TNXB: variants seen among roughly 807,000 people sequenced by gnomAD.
The protein encoded by TNXB is tenascin XB, also known as tenascin-X.
In TNXB, 183 loss-of-function variants were observed where a neutral mutation model predicts 340.5. The ratio of observed to expected loss-of-function variants is 0.54; its 90% CI spans 0.48 to 0.61. The LOEUF (loss-of-function observed/expected upper bound fraction) is 0.61. Among genes scored for constraint, TNXB ranks in the 20% least tolerant of loss-of-function variants. TNXB has a pLI of 0.00. For synonymous variants in TNXB, 2,121 were observed against 2,314.5 expected, an observed-to-expected ratio of 0.92 and a Z score of 2.40; for missense variants, 4,613 against 5,446.4, an observed-to-expected ratio of 0.85 and a Z score of 4.82.
intron 21 of TNXB, among the ~76,000 whole-genome samples, chr6:32,060,378 T>C (rs1777936715): frequency 6.9e-6 from 1 of 145,862 alleles, no homozygotes; most frequent in Non-Finnish European, 1.5e-5. Flanking sequence ...ACAAGAGCGA[T>C]AGAGGAGTAG....
chr6:32,100,362 C>T (rs1030781125), intron 1 of TNXB, among the ~76,000 whole-genome samples: 6 of 152,286 alleles, frequency 3.9e-5, no homozygotes, highest in Middle Eastern at 3.4e-3. Flanking sequence ...GCCTCGGCTT[C>T]CCAAAGTGCT....
chr6:32,099,946 T>TTAA (rs1554335655), intron 1 of TNXB, among the ~76,000 whole-genome samples: 1 of 62,826 alleles, frequency 1.6e-5, no homozygotes, highest in East Asian at 5.4e-4. Flanking sequence ...CATCCCTAAG[T>TTAA]AAAAAAAAAA....
chr6:32,047,941 G>C lies in TNXB; in HGVS notation c.10117C>G (p.Leu3373Val), dbSNP rs768473882. ...VTDATPDSVGLSWTVPEGEFD... is the reference protein window; with the variant it reads ...VTDATPDSVGVSWTVPEGEFD... Reference sequence around the variant, plus strand: ...TCGCCCTCAGGGACCGTCCACGAGAGGCCCACGGAGTCAGGGGTCGCATCT... The same window carrying C: ...TCGCCCTCAGGGACCGTCCACGAGACGCCCACGGAGTCAGGGGTCGCATCT... Residue 3373 changes from leucine (L) to valine (V), a missense_variant, in exon 30 of 44, where the codon CTC becomes GTC. By Grantham distance (32) the Leu-to-Val change is conservative. This residue lies in a region of TNXB where 4,327 missense variants were observed against 4,859.4 expected (regional missense o/e 0.89). Transcript: ENST00000644971. The surrounding 1 kb of genome is among the most constrained non-coding windows in gnomAD (Gnocchi z 6.2). The C allele has an allele frequency of 1.2e-6, 2 of 1,612,362 alleles. No individual in the cohort carries two copies. Among genetic ancestry groups the C allele is most frequent in the South Asian group, 2.2e-5 (2 of 90,948 alleles).
At position 32,096,654 on chromosome 6, in the gene TNXB, C is replaced by G. The variant is rs1484499155; in HGVS notation, c.1199G>C (p.Gly400Ala). ...GCAGTCGCCAGGGCAGCTGCGCACG[C>G]CGCAGTCGTCCCCGCTGTAGCCCGT... ...CDTGYSGDDC[G>A]VRSCPGDCNQ... Residue 400 changes from glycine to alanine, a missense_variant, in exon 3 of 44, where the codon GGC becomes GCC. Coordinates refer to ENST00000644971, the MANE Select transcript of TNXB (RefSeq NM_001365276.2). 6.4e-7 allele frequency: 1 copy of G among 1,553,726 alleles called. No individual in the cohort carries two copies. Among genetic ancestry groups the G allele is most frequent in the South Asian group, 1.2e-5 (1 of 84,880 alleles).
At position 32,079,230 on chromosome 6, in the gene TNXB, G is replaced by T; in HGVS notation, c.4178C>A (p.Thr1393Asn). 8.1e-6 allele frequency: 13 copies of T among 1,613,788 alleles called. No homozygotes were observed. The highest frequency in any genetic ancestry group is 1.1e-5 in the Non-Finnish European group (13 of 1,179,878). Residue 1393 changes from threonine to asparagine, a missense_variant, in exon 11 of 44, where the codon ACC (threonine) becomes AAC (asparagine). Transcript: ENST00000644971. The surrounding 1 kb of genome is among the most constrained non-coding windows in gnomAD (Gnocchi z 7.1). ...AGAGTCGAAGCTGCCCTGGGGGACG[G>T]TCCAGAAGAGGCTCAGCGAATCAGG... ...SSPDSLSLFW[T>N]VPQGSFDSFT...
chr6:32,042,580 C>G lies in TNXB; in HGVS notation c.12085G>C (p.Asp4029His). ...CCGTTCTGCATCTCCTCCCCGCAGT[C>G]CCTGGGGAAGGGGATCCGCAGCCCA... ...TGGLRIPFPRDCGEEMQNGAG... is the reference protein window; with the variant it reads ...TGGLRIPFPRHCGEEMQNGAG... The change falls in exon 40 of 44, where the codon GAC becomes CAC. Residue 4029 changes from aspartate (D) to histidine (H), a missense_variant. Transcript: ENST00000644971. 4 of 1,593,532 alleles carry G rather than the reference C, an allele frequency of 2.5e-6. No individual in the cohort carries two copies. The highest frequency in any genetic ancestry group is 3.4e-6 in the Non-Finnish European group (4 of 1,170,174).
At chr6:32,053,140 C>A in intron 25 of TNXB, 147 bp from the exon 26 acceptor site, 1 of 1,108,944 alleles carries the variant, frequency 9.0e-7, no homozygotes. Flanking sequence ...TGGTCTTGCT[C>A]AGTTTACAGT....
chr6:32,096,400 GC>G lies in TNXB; in HGVS notation c.1452del (p.Trp484CysfsTer87). The part of the protein sequence containing the change: ...GRCESGRCMC[W>X]PGYTGRDCGT... ...CCGCAGTCCCGGCCTGTGTACCCCG[GC>G]CAACACATGCAGCGGCCACTCTCAC... On this transcript the variant is annotated frameshift_variant, in exon 3 of 44. Transcript: ENST00000644971. LOFTEE classifies it high-confidence loss of function. 6.3e-7 allele frequency: 1 copy of G among 1,578,266 alleles called. No homozygotes were observed. Among genetic ancestry groups the G allele is most frequent in the South Asian group, 1.1e-5 (1 of 87,562 alleles).
Position 32,082,439 on chromosome 6 carries a change from G to C in TNXB, c.3446-113C>G. On this transcript the variant is annotated intron_variant, in intron 8 of 43. Coordinates refer to ENST00000644971, the MANE Select transcript of TNXB (RefSeq NM_001365276.2). The surrounding 1 kb of genome is among the most constrained non-coding windows in gnomAD (Gnocchi z 5.0). ...TGTGCAGGTTGTTCACTGCACAAAA[G>C]TGCATTTGCTGAGGGAGTACAGAGG... 8.8e-7 allele frequency: 1 copy of C among 1,135,876 alleles called. No homozygotes were observed. The highest frequency in any genetic ancestry group is 1.2e-6 in the Non-Finnish European group (1 of 806,938). The allele number at this position is 1,135,876 out of a possible 1,614,324, so 70.4% of individuals were successfully genotyped here.
Position 32,073,936 on chromosome 6 carries a change from C to A in TNXB, c.4392G>T (p.Glu1464Asp), listed in dbSNP as rs761069340. 6.3e-7 allele frequency: 1 copy of A among 1,597,932 alleles called. No individual in the cohort carries two copies. Among genetic ancestry groups the A allele is most frequent in the East Asian group, 2.2e-5 (1 of 44,586 alleles). ...GCGGGGACTCAGTGGCTGGAGGGGT[C>A]TCTTCTTGTTGTGGGGCTGGGACAG... ...AVGVTAPQQE[E>D]TPPATESPLE... Residue 1464 changes from glutamate to aspartate, a missense_variant, in exon 12 of 44, where the codon GAG becomes GAT. Coordinates refer to ENST00000644971, the MANE Select transcript of TNXB (RefSeq NM_001365276.2). This position sits in a 1 kb window ranked among gnomAD's most constrained non-coding sequence, Gnocchi z 4.6.
rs1411607556 is a variant in TNXB, at chr6:32,061,671, C to T, written c.7218G>A (p.Pro2406=). 15 of 1,612,498 alleles carry T rather than the reference C, an allele frequency of 9.3e-6. No individual in the cohort carries two copies. Among genetic ancestry groups the T allele is most frequent in the Non-Finnish European group, 1.2e-5 (14 of 1,179,788 alleles). ...PSPTEPSMEA[P]EPPEEPLLGE... The stretch of plus-strand genomic sequence containing the variant: ...CCAGGAGCGGCTCCTCAGGGGGCTC[C>T]GGGGCCTCCATGCTGGGTTCTGTGG... Residue 2406 remains proline (P), a synonymous_variant, in exon 21 of 44, where the codon CCG becomes CCA. Coordinates refer to ENST00000644971, the MANE Select transcript of TNXB (RefSeq NM_001365276.2). The surrounding 1 kb of genome is among the most constrained non-coding windows in gnomAD (Gnocchi z 4.4).
chr6:32,086,416 C>T (rs544119036), intron 6 of TNXB, among the ~76,000 whole-genome samples: 5 of 152,318 alleles, frequency 3.3e-5, no homozygotes, highest in African/African-American at 1.2e-4. Context: ...TTCCATGTCC[C>T]TCCCCACATA....
At position 32,068,900 on chromosome 6, in the gene TNXB, C is replaced by T. The variant is rs765461982; in HGVS notation, c.5824G>A (p.Asp1942Asn). The stretch of plus-strand genomic sequence containing the variant: ...TACAGGGTCACCAGGTATCTGTGGT[C>T]GGATTCCAGGCCAGAGAGGGTGATG... ...NDITLSGLES[D>N]HRYLVTLYGF... The change falls in exon 16 of 44, where the codon GAC (aspartate) becomes AAC (asparagine). Residue 1942 changes from aspartate to asparagine, a missense_variant. Transcript: ENST00000644971. This position sits in a 1 kb window ranked among gnomAD's most constrained non-coding sequence, Gnocchi z 5.3. The T allele has an allele frequency of 2.3e-5, 37 of 1,612,700 alleles. No individual in the cohort carries two copies. The highest frequency in any genetic ancestry group is 1.1e-4 in the African/African-American group (8 of 74,914).
Position 32,073,393 on chromosome 6 carries a change from G to C in TNXB, c.4681+254C>G, listed in dbSNP as rs1324052861. On this transcript the variant is annotated intron_variant, in intron 12 of 43. Coordinates refer to ENST00000644971, the MANE Select transcript of TNXB (RefSeq NM_001365276.2). This position sits in a 1 kb window ranked among gnomAD's most constrained non-coding sequence, Gnocchi z 4.6. ...TCTGTGGCTGGATTTAGGCCAAATGGAAATAAGACATTCCCCTGGGCGGGG... is the reference window on the plus strand; with the variant it reads ...TCTGTGGCTGGATTTAGGCCAAATGCAAATAAGACATTCCCCTGGGCGGGG... Among the ~76,000 whole-genome samples the C allele has an allele frequency of 6.6e-6, 1 of 152,178 alleles. No homozygotes were observed. Among genetic ancestry groups the C allele is most frequent in the Non-Finnish European group, 1.5e-5 (1 of 68,040 alleles).
chr6:32,075,624 C>T lies in TNXB; in HGVS notation c.4376-1672G>A, dbSNP rs570472292. 2.6e-5 allele frequency among the ~76,000 whole-genome samples: 4 copies of T among 152,218 alleles called. No homozygotes were observed. Among genetic ancestry groups the T allele is most frequent in the African/African-American group, 9.7e-5 (4 of 41,450 alleles). On this transcript the variant is annotated intron_variant, in intron 11 of 43. Transcript: ENST00000644971. The surrounding 1 kb of genome is among the most constrained non-coding windows in gnomAD (Gnocchi z 4.6). ...CTGACATATTTGTGCAATTTGTTGCCTGTCCCTCTCCACTAGAATGTGAGC... is the reference window on the plus strand; with the variant it reads ...CTGACATATTTGTGCAATTTGTTGCTTGTCCCTCTCCACTAGAATGTGAGC...
intron 39 of TNXB, 26 bp downstream of exon 39, chr6:32,042,673 G>A (rs1324139827): frequency 7.0e-5 from 92 of 1,316,772 alleles, no homozygotes; most frequent in Admixed American, 6.7e-4. Context: ...CCCAGCCCCC[G>A]GCCCCGGGCC....
rs376628420 is a variant in TNXB, at chr6:32,095,669, C to T, written c.2184G>A (p.Glu728=). The T allele has an allele frequency of 1.7e-5, 27 of 1,613,946 alleles. No individual in the cohort carries two copies. In the African/African-American group the frequency reaches 2.5e-4, roughly 15 times the overall value. The change falls in exon 3 of 44, where the codon GAG becomes GAA. Residue 728 remains glutamate (E), a synonymous_variant. Transcript: ENST00000644971. Reference sequence around the variant, plus strand: ...TGCAGACACAGCTGCCATCGTGACACTCTCCTCGGCCACGGCAGTCCCCTG... The same window carrying T: ...TGCAGACACAGCTGCCATCGTGACATTCTCCTCGGCCACGGCAGTCCCCTG... ...TCPGDCRGRG[E]CHDGSCVCKD...
In TNXB at chr6:32,069,691, G is replaced by A. The variant is rs757576159; in HGVS notation, c.5449C>T (p.Pro1817Ser). 12 of 1,611,224 alleles carry A rather than the reference G, an allele frequency of 7.4e-6. No homozygotes were observed. Among genetic ancestry groups the A allele is most frequent in the Non-Finnish European group, 9.3e-6 (11 of 1,178,904 alleles). ...VVQYKDRDGQ[P>S]QVVPVEGSLR... ...CTGCCCTCCACGGGCACCACCTGGG[G>A]CTGCCCGTCCCTGTCTTTGTACTGG... The change falls in exon 15 of 44, where the codon CCC (proline) becomes TCC (serine). Residue 1817 changes from proline (P) to serine (S), a missense_variant. Pro to Ser is a moderately conservative substitution (Grantham distance 74, BLOSUM62 -1). Transcript: ENST00000644971. This position sits in a 1 kb window ranked among gnomAD's most constrained non-coding sequence, Gnocchi z 6.2.
At position 32,061,361 on chromosome 6, in the gene TNXB, A is replaced by C; in HGVS notation, c.7492+36T>G. The C allele has an allele frequency of 6.3e-7, 1 of 1,599,168 alleles. No individual in the cohort carries two copies. Among genetic ancestry groups the C allele is most frequent in the Non-Finnish European group, 8.5e-7 (1 of 1,171,092 alleles). On this transcript the variant is annotated intron_variant, in intron 21 of 43. Coordinates refer to ENST00000644971, the MANE Select transcript of TNXB (RefSeq NM_001365276.2). The surrounding 1 kb of genome is among the most constrained non-coding windows in gnomAD (Gnocchi z 4.4). ...GCAGTAAACCAGGTACCCATGAGGG[A>C]AAGGTGGTTACCCCGAGACTCCAAG...
Sources: gnomAD v4.1 joint callset for allele counts (sites outside exome capture counted in the v4.1 genomes callset) on GRCh38, gnomAD v4.1.1 for gene constraint, gnomAD v4.1.1 regional missense constraint, Gnocchi (gnomAD v3.1) non-coding constraint, MANE v1.5 for transcripts, NCBI Gene and HGNC (gene_info 2026-07-23, HGNC 2026-07-21) for gene names.